CPEB3: variants seen among roughly 807,000 people sequenced by gnomAD.
CPEB3 encodes the protein cytoplasmic polyadenylation element binding protein 3, also known as cytoplasmic polyadenylation element-binding protein 3.
Under a neutral mutation model 67.2 loss-of-function variants are expected in CPEB3, and 20 were observed. That is an observed-to-expected ratio of 0.30 (90% CI 0.21 to 0.43). CPEB3 has a LOEUF of 0.43. Ranked by LOEUF, CPEB3 falls within the 20% of genes least tolerant of loss-of-function variation. The probability of loss-of-function intolerance (pLI) is 1.00; values close to 1 mark genes in which losing one functional copy is unlikely to be tolerated. For synonymous variants in CPEB3, 376 were observed against 393.1 expected (o/e 0.96, Z 0.51); for missense variants, 746 against 968.6 (o/e 0.77, Z 3.05).
intron 2 of CPEB3, among the ~76,000 whole-genome samples, chr10:92,205,558 C>A (rs1292290215): frequency 6.9e-6 from 1 of 144,944 alleles, no homozygotes; most frequent in African/African-American, 2.5e-5. Flanking sequence ...CTTACTGCAA[C>A]CTCTGCCTCC....
intron 9 of CPEB3, among the ~76,000 whole-genome samples, chr10:92,075,711 T>A (rs1282654143): frequency 2.0e-5 from 3 of 152,138 alleles, no homozygotes; most frequent in African/African-American, 7.2e-5. Flanking sequence ...TACTGACATA[T>A]TTTCTATTCA....
At chr10:92,154,771 A>C (rs1439075708) in intron 4 of CPEB3, among the ~76,000 whole-genome samples, 1 of 152,142 alleles carries the variant, frequency 6.6e-6, no homozygotes, top group Non-Finnish European at 1.5e-5. Context: ...TTCCTATTCC[A>C]TTATCCAAAT....
intron 6 of CPEB3, among the ~76,000 whole-genome samples, chr10:92,133,428 G>C (rs1460704975): frequency 6.6e-6 from 1 of 152,030 alleles, no homozygotes; most frequent in Non-Finnish European, 1.5e-5. Context: ...GAAGAAATGG[G>C]TAAATTCCTG....
intron 2 of CPEB3, among the ~76,000 whole-genome samples, chr10:92,236,380 A>G (rs980812226): frequency 1.3e-5 from 2 of 152,226 alleles, no homozygotes; most frequent in African/African-American, 4.8e-5. Context: ...GAAAGCAGCC[A>G]CCAAAACCCA....
At chr10:92,269,116 T>C (rs553531505) in intron 1 of CPEB3, among the ~76,000 whole-genome samples, 454 of 152,164 alleles carry the variant, frequency 3.0e-3, no homozygotes, top group Middle Eastern at 0.01. Flanking sequence ...TGTGGGCTCC[T>C]TGGGAGCACA....
chr10:92,151,895 C>T (rs1238630162), intron 4 of CPEB3, among the ~76,000 whole-genome samples: 1 of 152,176 alleles, frequency 6.6e-6, no homozygotes, highest in Non-Finnish European at 1.5e-5. Context: ...TCACCCTATC[C>T]TAACTATCCT....
chr10:92,276,972 T>C (rs184526448), intron 1 of CPEB3, among the ~76,000 whole-genome samples: 1 of 152,352 alleles, frequency 6.6e-6, no homozygotes, highest in African/African-American at 2.4e-5. Flanking sequence ...TTATTGGCCA[T>C]TTATATACCT....
intron 1 of CPEB3, among the ~76,000 whole-genome samples, chr10:92,289,094 T>G (rs1235386271): frequency 2.0e-5 from 3 of 151,478 alleles, no homozygotes; most frequent in South Asian, 2.1e-4. Context: ...AATACAAAAG[T>G]TAGCCAGGCA....
At chr10:92,182,647 G>A (rs1376251511) in intron 3 of CPEB3, among the ~76,000 whole-genome samples, 2 of 152,118 alleles carry the variant, frequency 1.3e-5, no homozygotes, top group Non-Finnish European at 2.9e-5. Flanking sequence ...CCAACATGGT[G>A]AAACCCCATC....
chr10:92,166,112 C>CT lies in CPEB3; in HGVS notation c.1222+14850dup, dbSNP rs869279355. 3.1e-3 allele frequency among the ~76,000 whole-genome samples: 444 copies of CT among 143,050 alleles called. 4 individuals carry two copies. Among genetic ancestry groups the CT allele is most frequent in the Admixed American group, 8.3e-3 (118 of 14,242 alleles). 93.8% of individuals were successfully genotyped at this position (143,050 alleles called of 152,430 possible). ...TGCCTTACAAAATGTATTTCTTTTT[C>CT]TTTTTTTTTTTTTTGAGACAGAGTT... is the stretch of plus-strand genomic sequence containing the variant. On this transcript the variant is annotated intron_variant, in intron 4 of 9. Transcript: ENST00000265997.
chr10:92,124,903 T>C (rs1230521801), intron 6 of CPEB3, among the ~76,000 whole-genome samples: 2 of 152,384 alleles, frequency 1.3e-5, no homozygotes, highest in Admixed American at 1.3e-4. Flanking sequence ...GGCCTGTTTT[T>C]GCCCACTCAA....
chr10:92,106,781 C>G (rs1216618611), intron 7 of CPEB3, among the ~76,000 whole-genome samples: 1 of 120,126 alleles, frequency 8.3e-6, no homozygotes, highest in East Asian at 2.7e-4. Context: ...CACCACTGCA[C>G]TCCAGCCTAG....
intron 2 of CPEB3, among the ~76,000 whole-genome samples, chr10:92,218,903 T>C (rs577349599): frequency 1.3e-5 from 2 of 152,190 alleles, no homozygotes; most frequent in South Asian, 4.2e-4. Context: ...CAGCCTCGAC[T>C]TCCTAAGGCT....
rs771806938 is a variant in CPEB3 at position 92,240,104 on chromosome 10, A to G, written c.247T>C (p.Phe83Leu). 1.3e-6 allele frequency: 2 copies of G among 1,579,128 alleles called. No homozygotes were observed. The highest frequency in any genetic ancestry group is 2.3e-5 in the South Asian group (2 of 87,152). Residue 83 changes from phenylalanine to leucine, a missense_variant, in exon 2 of 10, where the codon TTC becomes CTC. Transcript: ENST00000265997. Reference protein sequence around the residue: ...MESPLLPGLSFHQPPQQPPPP... With the variant: ...MESPLLPGLSLHQPPQQPPPP... ...GGCGGCTGCTGAGGAGGCTGATGGA[A>G]ACTCAAGCCTGGCAGGAGCGGTGAT...
intron 2 of CPEB3, among the ~76,000 whole-genome samples, chr10:92,236,447 T>C (rs1263659760): frequency 1.3e-5 from 2 of 152,164 alleles, no homozygotes; most frequent in Admixed American, 6.5e-5. Context: ...AAAACAACAT[T>C]CAAATACAGT....
At chr10:92,233,638 TTA>T (rs981613405) in intron 2 of CPEB3, among the ~76,000 whole-genome samples, 3 of 152,114 alleles carry the variant, frequency 2.0e-5, no homozygotes, top group Admixed American at 2.0e-4. Context: ...TAAAAATTTA[TTA>T]TGAGTAGGCA....
In CPEB3 at chr10:92,240,295, T is replaced by A; in HGVS notation, c.56A>T (p.Gln19Leu). The A allele has an allele frequency of 6.6e-7, 1 of 1,517,274 alleles. No homozygotes were observed. The highest frequency in any genetic ancestry group is 1.3e-5 in the South Asian group (1 of 78,590). The allele number at this position is 1,517,274 out of a possible 1,614,324, so 94.0% of individuals were successfully genotyped here. ...TTGGGGCTGCTGCTGCTGCCGCTGC[T>A]GCTGCTGGGGCTGGGGCTGGGTTTT... ...KSKTQPQPQQ[Q>L]QRQQQQPQPE... Residue 19 changes from glutamine (Q) to leucine (L), a missense_variant, in exon 2 of 10, where the codon CAG becomes CTG. Gln to Leu is a moderately radical substitution (Grantham distance 113, BLOSUM62 -2). Coordinates refer to ENST00000265997, the MANE Select transcript of CPEB3 (RefSeq NM_014912.5).
intron 6 of CPEB3, among the ~76,000 whole-genome samples, chr10:92,114,719 AC>A (rs778581840): frequency 4.6e-5 from 7 of 152,348 alleles, no homozygotes; most frequent in Non-Finnish European, 8.8e-5. Flanking sequence ...GTTCAAGATC[AC>A]CCAGTAAGTG....
intron 1 of CPEB3, among the ~76,000 whole-genome samples, chr10:92,263,919 T>TA (rs375638362): frequency 1.3e-5 from 2 of 152,322 alleles, no homozygotes; most frequent in African/African-American, 4.8e-5. Context: ...CCTGATCATT[T>TA]AGTCTATGTA....
Sources: gnomAD v4.1 joint callset for allele counts (sites outside exome capture counted in the v4.1 genomes callset) on GRCh38, gnomAD v4.1.1 for gene constraint, MANE v1.5 for transcripts, NCBI Gene and HGNC (gene_info 2026-07-23, HGNC 2026-07-21) for gene names.